Variants in ZBTB38 observed in about 807,000 individuals in gnomAD.
ZBTB38 encodes zinc finger and BTB domain-containing protein 38.
A neutral mutation model predicts 76.8 loss-of-function variants in ZBTB38; 20 were observed. The observed-to-expected ratio is 0.26, with a 90% CI of 0.18 to 0.38. ZBTB38 has a LOEUF of 0.38. Ranked by LOEUF, ZBTB38 falls within the 10% of genes least tolerant of loss-of-function variation. The probability of loss-of-function intolerance (pLI) is 1.00; values close to 1 mark genes in which losing one functional copy is unlikely to be tolerated. For missense variants in ZBTB38, 1,082 were observed against 1,482.3 expected, an observed-to-expected ratio of 0.73 and a Z score of 4.43; for synonymous variants, 504 against 544.2, an observed-to-expected ratio of 0.93 and a Z score of 1.03.
intron 1 of ZBTB38, among the ~76,000 whole-genome samples, chr3:141,331,811 C>T (rs1203183504): frequency 1.3e-5 from 2 of 152,162 alleles, no homozygotes; most frequent in Non-Finnish European, 2.9e-5. Context: ...TTTCACCAGC[C>T]GATGAACAAG....
chr3:141,414,054 C>A (rs570593327), intron 5 of ZBTB38, among the ~76,000 whole-genome samples: 20 of 152,158 alleles, frequency 1.3e-4, no homozygotes, highest in Non-Finnish European at 2.8e-4. Flanking sequence ...ACTCACAGTA[C>A]AGAGATTAAA....
intron 5 of ZBTB38, among the ~76,000 whole-genome samples, chr3:141,407,152 AC>A (rs1954809691): frequency 6.6e-6 from 1 of 152,192 alleles, no homozygotes; most frequent in Non-Finnish European, 1.5e-5. Flanking sequence ...ATTTCTGTTG[AC>A]TCAAAAAGTT....
At chr3:141,326,588 T>A (rs990116467) in intron 1 of ZBTB38, among the ~76,000 whole-genome samples, 1 of 152,232 alleles carries the variant, frequency 6.6e-6, no homozygotes, top group Non-Finnish European at 1.5e-5. Flanking sequence ...AGTTTCAGTA[T>A]CTTTAAATAA....
intron 1 of ZBTB38, among the ~76,000 whole-genome samples, chr3:141,329,975 T>C (rs1348954946): frequency 6.6e-6 from 1 of 151,722 alleles, no homozygotes; most frequent in African/African-American, 2.4e-5. Flanking sequence ...TAAAAAAATT[T>C]ATATATCTAC....
intron 5 of ZBTB38, chr3:141,426,300 G>GAT: frequency 1.4e-6 from 1 of 719,956 alleles, no homozygotes; most frequent in Non-Finnish European, 2.1e-6. Flanking sequence ...CAGTGTCAGT[G>GAT]ATATCATTGA....
intron 1 of ZBTB38, among the ~76,000 whole-genome samples, chr3:141,361,746 G>A (rs1470365066): frequency 6.6e-6 from 1 of 152,182 alleles, no homozygotes; most frequent in Non-Finnish European, 1.5e-5. Context: ...GTAAATTACA[G>A]GAAAGAGCCT....
In ZBTB38 at chr3:141,393,752, G is replaced by A. The variant is rs73238072; in HGVS notation, c.-106+6815G>A. 2.7e-3 allele frequency among the ~76,000 whole-genome samples: 409 copies of A among 151,788 alleles called. 1 individual carries two copies. The highest frequency in any genetic ancestry group is 4.9e-3 in the Non-Finnish European group (330 of 68,014). ...CTGCGCCATGGAGCTGGGGGAACAA[G>A]GTACCAGGGAGAAAGTGGGAAGGGG... On this transcript the variant is annotated intron_variant, in intron 4 of 5. Transcript: ENST00000321464.
At chr3:141,365,324 A>C (rs1943934784), upstream of ZBTB38, among the ~76,000 whole-genome samples, 1 of 152,240 alleles carries the variant, frequency 6.6e-6, no homozygotes, top group East Asian at 1.9e-4. Flanking sequence ...TACAGTTATG[A>C]AGGCTGAGAA....
chr3:141,349,015 A>G (rs1460622855), intron 1 of ZBTB38, among the ~76,000 whole-genome samples: 1 of 152,198 alleles, frequency 6.6e-6, no homozygotes, highest in African/African-American at 2.4e-5. Context: ...AGACTAGGCA[A>G]CTCATAAACA....
intron 4 of ZBTB38, chr3:141,389,804 T>A (rs1948289825): frequency 6.6e-6 from 1 of 152,240 alleles, no homozygotes; most frequent in Non-Finnish European, 1.5e-5. Context: ...ATGGATGCAA[T>A]GCAATTGTTT....
chr3:141,347,260 G>A (rs1213696139), intron 1 of ZBTB38, among the ~76,000 whole-genome samples: 1 of 152,118 alleles, frequency 6.6e-6, no homozygotes, highest in Non-Finnish European at 1.5e-5. Flanking sequence ...CAAAGGTGGT[G>A]GGGTGATGTG....
chr3:141,434,070 C>A, intron 5 of ZBTB38: 2 of 387,264 alleles, frequency 5.2e-6, no homozygotes, highest in Non-Finnish European at 3.5e-6. Context: ...GCAGGGAGTA[C>A]AAAGATGAAT....
intron 5 of ZBTB38, among the ~76,000 whole-genome samples, chr3:141,428,445 CACTA>C (rs1169295296): frequency 6.6e-6 from 1 of 152,192 alleles, no homozygotes; most frequent in East Asian, 1.9e-4. Flanking sequence ...CCATATTGAG[CACTA>C]ACTGTTAATT....
chr3:141,445,539 GGAAACTTACA>G lies in ZBTB38; in HGVS notation c.3157_3166del (p.Leu1053MetfsTer8). 1 of 1,614,220 alleles carries G rather than the reference GGAAACTTACA, an allele frequency of 6.2e-7. No homozygotes were observed. The highest frequency in any genetic ancestry group is 8.5e-7 in the Non-Finnish European group (1 of 1,180,044). On this transcript the variant is annotated frameshift_variant, in exon 6 of 6. Coordinates refer to ENST00000321464, the MANE Select transcript of ZBTB38 (RefSeq NM_001376113.1). LOFTEE classifies it high-confidence loss of function. The surrounding 1 kb of genome is among the most constrained non-coding windows in gnomAD (Gnocchi z 6.5). The stretch of plus-strand genomic sequence containing the variant: ...CTGCGGACGGTGCTTTTCGGTGCAA[GGAAACTTACA>G]GAAACATGAACGCATCCACCTGGGC...
chr3:141,345,986 G>A (rs898614188), intron 1 of ZBTB38, among the ~76,000 whole-genome samples: 1 of 152,144 alleles, frequency 6.6e-6, no homozygotes, highest in African/African-American at 2.4e-5. Flanking sequence ...GGCTTCGGGG[G>A]CAGTTTCTGG....
chr3:141,425,996 G>A (rs923969242), intron 5 of ZBTB38: 14 of 433,544 alleles, frequency 3.2e-5, no homozygotes, highest in Admixed American at 8.0e-5. Context: ...GCACATATAT[G>A]CTTGTTAGGT....
chr3:141,326,897 G>T (rs1942690778), intron 1 of ZBTB38, among the ~76,000 whole-genome samples: 1 of 152,216 alleles, frequency 6.6e-6, no homozygotes. Context: ...AACAAAGGGT[G>T]AGGCTTTGCC....
At chr3:141,330,993 T>C (rs1420393375) in intron 1 of ZBTB38, among the ~76,000 whole-genome samples, 1 of 152,228 alleles carries the variant, frequency 6.6e-6, no homozygotes, top group Non-Finnish European at 1.5e-5. Context: ...TATTCTGTTA[T>C]AAGCAACAGA....
intron 5 of ZBTB38, among the ~76,000 whole-genome samples, chr3:141,414,604 G>A (rs952038483): frequency 1.3e-5 from 2 of 152,194 alleles, no homozygotes; most frequent in Non-Finnish European, 2.9e-5. Flanking sequence ...GTTGCCCAGT[G>A]CTCGGTGTAC....
Sources: allele counts gnomAD v4.1 joint callset (sites outside exome capture counted in the v4.1 genomes callset), GRCh38; gene constraint gnomAD v4.1.1; non-coding constraint Gnocchi (gnomAD v3.1); transcripts MANE v1.5; gene names NCBI Gene and HGNC (gene_info 2026-07-23, HGNC 2026-07-21).